Variants in SEMA4G observed in about 807,000 individuals in gnomAD.
SEMA4G encodes semaphorin 4G.
SEMA4G carries 59 observed loss-of-function variants against 81.2 expected under a neutral mutation model. That is an observed-to-expected ratio of 0.73 (90% CI 0.59 to 0.90). The LOEUF is 0.90. Among genes scored for constraint, SEMA4G ranks in the 40% least tolerant of loss-of-function variants. The probability of loss-of-function intolerance (pLI) is 0.00; values close to 1 mark genes in which losing one functional copy is unlikely to be tolerated. For synonymous variants in SEMA4G, 404 were observed against 433.9 expected (o/e 0.93, Z 0.86); for missense variants, 952 against 1,102.3 (o/e 0.86, Z 1.93).
At chr10:100,978,720 C>T (rs1393963836) in intron 6 of SEMA4G, 80 bp downstream of exon 7, 15 of 1,552,598 alleles carry the variant, frequency 9.7e-6, no homozygotes, top group African/African-American at 1.4e-5. Flanking sequence ...CTGACCACCC[C>T]ACCCCCAAAT....
At chr10:100,978,162 G>C in intron 4 of SEMA4G, 133 bp from the exon 6 acceptor site, 1 of 632,790 alleles carries the variant, frequency 1.6e-6, no homozygotes, top group Non-Finnish European at 2.8e-6. Flanking sequence ...TTAAGTTATT[G>C]CTGTCAGGTG....
chr10:100,981,623 T>C lies in SEMA4G; in HGVS notation c.1690+394T>C, dbSNP rs145390760. On this transcript the variant is annotated intron_variant, in intron 13 of 13. Coordinates refer to ENST00000370250, the Ensembl canonical transcript of SEMA4G. ...GTGTGCCAGACACTGATCTAAATACTTCTATGCATGATGTCATCTACTGTC... is the reference window on the plus strand; with the variant it reads ...GTGTGCCAGACACTGATCTAAATACCTCTATGCATGATGTCATCTACTGTC... 2.0e-4 allele frequency: 303 copies of C among 1,531,094 alleles called. No individual in the cohort carries two copies. The African/African-American group carries it at 3.8e-3, about 19-fold the overall frequency. 94.8% of individuals were successfully genotyped at this position (1,531,094 alleles called of 1,614,324 possible). A position where few individuals can be genotyped will look rare whatever the true frequency, so the allele number is the denominator to read the frequency against.
rs762606692 is a variant in SEMA4G at position 100,973,243 on chromosome 10, G to T, written c.239G>T (p.Ser80Ile). 1.2e-6 allele frequency: 2 copies of T among 1,613,432 alleles called. No homozygotes were observed. Among genetic ancestry groups the T allele is most frequent in the Non-Finnish European group, 1.7e-6 (2 of 1,180,034 alleles). Reference sequence around the variant, plus strand: ...GCCCGAGGTGCCCTGTTCTCTCTCAGTGCCAACGACATAGGAGATGGGGCT... The same window carrying T: ...GCCCGAGGTGCCCTGTTCTCTCTCATTGCCAACGACATAGGAGATGGGGCT... Residue 80 changes from serine (S) to isoleucine (I), a missense_variant, in exon 2 of 14, where the codon AGT becomes ATT. Coordinates refer to ENST00000370250, the Ensembl canonical transcript of SEMA4G. The surrounding 1 kb of genome is among the most constrained non-coding windows in gnomAD (Gnocchi z 5.5).
rs748317224 is a variant in SEMA4G at position 100,984,687 on chromosome 10, A to T, written c.*556A>T. On this transcript the variant is annotated 3_prime_UTR_variant, in exon 14 of 14. Transcript: ENST00000370250. ...CCTTCTCCTGGTGCATTCTTGTTTCATCCCTGCTTCTGGACTTGGGGTACC... is the reference window on the plus strand; with the variant it reads ...CCTTCTCCTGGTGCATTCTTGTTTCTTCCCTGCTTCTGGACTTGGGGTACC... 2 of 1,536,004 alleles carry T rather than the reference A, an allele frequency of 1.3e-6. No individual in the cohort carries two copies. The highest frequency in any genetic ancestry group is 1.7e-6 in the Non-Finnish European group (2 of 1,146,866).
rs567670165 is a variant in SEMA4G at position 100,973,802 on chromosome 10, C to T, written c.336+193C>T. Among the ~76,000 whole-genome samples, 128 of 150,220 alleles carry T rather than the reference C, an allele frequency of 8.5e-4. No homozygotes were observed. The highest frequency in any genetic ancestry group is 1.6e-3 in the Non-Finnish European group (106 of 67,670). ...TTTTTTTTTTTTCTTTTTTTGAGGT[C>T]GGATCTCACTCTGTCATCCAGGTTG... On this transcript the variant is annotated intron_variant, in intron 3 of 13. Transcript: ENST00000370250. This position sits in a 1 kb window ranked among gnomAD's most constrained non-coding sequence, Gnocchi z 5.5.
chr10:100,971,484 C>A (rs977347497), upstream of SEMA4G, among the ~76,000 whole-genome samples: 3 of 152,232 alleles, frequency 2.0e-5, no homozygotes, highest in African/African-American at 7.2e-5. Context: ...CTGACCTTTA[C>A]CTCTTGAATA....
chr10:100,979,112 G>A (rs866490784), exon 8 of SEMA4G: 1 of 1,614,160 alleles, frequency 6.2e-7, no homozygotes, highest in South Asian at 1.1e-5. Flanking sequence ...GGAGACCTGG[G>A]AGGGAAGAAG....
At chr10:100,971,057 G>A (rs553833114), upstream of SEMA4G, among the ~76,000 whole-genome samples, 3 of 152,324 alleles carry the variant, frequency 2.0e-5, no homozygotes, top group Admixed American at 2.0e-4. Flanking sequence ...AAAACTCCCT[G>A]TGAGTATATG....
chr10:100,979,199 G>A, exon 8 of SEMA4G: 4 of 1,614,194 alleles, frequency 2.5e-6, no homozygotes, highest in Non-Finnish European at 3.4e-6. Flanking sequence ...ACACTGCGTG[G>A]GGTCTGCAGC....
upstream of SEMA4G, among the ~76,000 whole-genome samples, chr10:100,970,373 C>T (rs1050881565): frequency 3.3e-5 from 5 of 152,092 alleles, no homozygotes; most frequent in African/African-American, 7.2e-5. Flanking sequence ...CCTTTAGAAC[C>T]GCAATATACA....
intron 8 of SEMA4G, 45 bp from the exon 10 acceptor site, chr10:100,979,803 T>C (rs1258165066): frequency 6.2e-7 from 1 of 1,606,114 alleles, no homozygotes; most frequent in South Asian, 1.1e-5. Context: ...GGGGGCAGGC[T>C]TGACTCCATG....
At chr10:100,969,916 G>C, upstream of SEMA4G, 1 of 455,914 alleles carries the variant, frequency 2.2e-6, no homozygotes, top group South Asian at 1.5e-5. Flanking sequence ...TGCAGCAGTA[G>C]AGACTGAGGT....
At chr10:100,985,061 C>A, downstream of SEMA4G, 1 of 713,148 alleles carries the variant, frequency 1.4e-6, no homozygotes, top group Non-Finnish European at 2.2e-6. Context: ...ATCCCCCTCC[C>A]ATTTAACTGT....
At chr10:100,981,359 C>G in intron 13 of SEMA4G, 130 bp downstream of exon 14, 1 of 1,607,774 alleles carries the variant, frequency 6.2e-7, no homozygotes, top group Non-Finnish European at 8.5e-7. Flanking sequence ...GACTCAAACA[C>G]AGAGCCTGGC....
chr10:100,980,174 C>A (rs766463475), exon 10 of SEMA4G: 2 of 1,614,102 alleles, frequency 1.2e-6, no homozygotes, highest in African/African-American at 2.7e-5. Context: ...CAAGACTTGC[C>A]ATCCCTGGTC....
chr10:100,976,955 G>C (rs1205485519), intron 3 of SEMA4G, among the ~76,000 whole-genome samples: 6 of 152,234 alleles, frequency 3.9e-5, no homozygotes. Flanking sequence ...CTGGGTGCTG[G>C]TGGTGGAGTC....
chr10:100,983,719 G>C, exon 14 of SEMA4G: 1 of 1,613,512 alleles, frequency 6.2e-7, no homozygotes, highest in Non-Finnish European at 8.5e-7. Flanking sequence ...GCCTGTCTGC[G>C]GGAAGGCAGA....
chr10:100,977,059 A>G (rs1850826717), intron 3 of SEMA4G, among the ~76,000 whole-genome samples: 1 of 152,192 alleles, frequency 6.6e-6, no homozygotes, highest in Non-Finnish European at 1.5e-5. Flanking sequence ...AGCAAGGATG[A>G]TCCCTGGCTT....
chr10:100,982,189 G>T, intron 13 of SEMA4G, among the ~76,000 whole-genome samples: 1 of 152,004 alleles, frequency 6.6e-6, no homozygotes, highest in Non-Finnish European at 1.5e-5. Flanking sequence ...GAGGACATGG[G>T]GTAATGGGGT....
Sources: allele counts gnomAD v4.1 joint callset (sites outside exome capture counted in the v4.1 genomes callset), GRCh38; gene constraint gnomAD v4.1.1; non-coding constraint Gnocchi (gnomAD v3.1); transcripts MANE v1.5; gene names NCBI Gene and HGNC (gene_info 2026-07-23, HGNC 2026-07-21).